PTPRD: variants seen among roughly 807,000 people sequenced by gnomAD.
PTPRD encodes the protein protein tyrosine phosphatase receptor type D.
PTPRD carries 34 observed loss-of-function variants against 214.5 expected under a neutral mutation model. The observed-to-expected ratio is 0.16, with a 90% CI of 0.12 to 0.21. PTPRD has a LOEUF of 0.21. Ranked by LOEUF, PTPRD falls within the 10% of genes least tolerant of loss-of-function variation. The probability of loss-of-function intolerance (pLI) is 1.00; values close to 1 mark genes in which losing one functional copy is unlikely to be tolerated. For missense variants in PTPRD, 2,545 were observed against 2,398.7 expected, an observed-to-expected ratio of 1.06 and a Z score of -1.27; for synonymous variants, 1,128 against 845.7, an observed-to-expected ratio of 1.33 and a Z score of -5.79.
intron 10 of PTPRD, among the ~76,000 whole-genome samples, chr9:9,035,444 G>C (rs1481645064): frequency 6.6e-6 from 1 of 151,946 alleles, no homozygotes; most frequent in Non-Finnish European, 1.5e-5. Flanking sequence ...AATATCAAAG[G>C]GGAAGGTGCC....
intron 26 of PTPRD, among the ~76,000 whole-genome samples, chr9:8,493,296 A>G (rs1490093085): frequency 6.6e-6 from 1 of 152,184 alleles, no homozygotes; most frequent in East Asian, 1.9e-4. Context: ...ATGTTTACCT[A>G]TCTGTGCCTC....
intron 35 of PTPRD, among the ~76,000 whole-genome samples, chr9:8,429,686 C>T (rs2094918427): frequency 6.6e-6 from 1 of 152,064 alleles, no homozygotes; most frequent in Non-Finnish European, 1.5e-5. Flanking sequence ...CAGGAAGAAA[C>T]TCAGCACATG....
At chr9:9,854,326 T>C (rs1191145282) in intron 5 of PTPRD, among the ~76,000 whole-genome samples, 1 of 152,160 alleles carries the variant, frequency 6.6e-6, no homozygotes, top group Non-Finnish European at 1.5e-5. Context: ...AACTAACTTG[T>C]ATTTGCCATA....
chr9:8,549,884 C>T (rs1380345333), intron 14 of PTPRD, among the ~76,000 whole-genome samples: 3 of 152,218 alleles, frequency 2.0e-5, no homozygotes, highest in Middle Eastern at 3.4e-3. Flanking sequence ...AAAAGGGTAC[C>T]ATTTCAAGCT....
chr9:10,402,128 TA>T (rs2098279448), intron 2 of PTPRD, among the ~76,000 whole-genome samples: 2 of 151,592 alleles, frequency 1.3e-5, no homozygotes, highest in Admixed American at 1.3e-4. Flanking sequence ...TGTTCCTATG[TA>T]ATTAAAGAGC....
chr9:10,293,572 G>C (rs1043483303), intron 3 of PTPRD, among the ~76,000 whole-genome samples: 1 of 151,874 alleles, frequency 6.6e-6, no homozygotes, highest in Non-Finnish European at 1.5e-5. Context: ...ATACTCCTTG[G>C]GAGTTTATAC....
At chr9:10,080,504 T>G (rs2098218877) in intron 3 of PTPRD, among the ~76,000 whole-genome samples, 1 of 152,072 alleles carries the variant, frequency 6.6e-6, no homozygotes, top group Non-Finnish European at 1.5e-5. Context: ...ATTGGGAATG[T>G]GAAGGGTGAC....
intron 2 of PTPRD, among the ~76,000 whole-genome samples, chr9:10,595,802 A>T (rs1317223372): frequency 6.6e-6 from 1 of 151,704 alleles, no homozygotes; most frequent in East Asian, 1.9e-4. Flanking sequence ...CTAATATTCC[A>T]TTATATATCA....
chr9:9,654,055 T>G (rs761972315), intron 7 of PTPRD, among the ~76,000 whole-genome samples: 2 of 152,128 alleles, frequency 1.3e-5, no homozygotes, highest in Non-Finnish European at 2.9e-5. Context: ...ACCACTGTCT[T>G]AGATCAAAGA....
intron 2 of PTPRD, among the ~76,000 whole-genome samples, chr9:10,438,955 T>C (rs2098740622): frequency 6.6e-6 from 1 of 151,760 alleles, no homozygotes; most frequent in Non-Finnish European, 1.5e-5. Flanking sequence ...GTCATATCTC[T>C]GTGTATCCAC....
chr9:9,557,010 G>C (rs1426909120), intron 8 of PTPRD, among the ~76,000 whole-genome samples: 1 of 152,182 alleles, frequency 6.6e-6, no homozygotes, highest in Non-Finnish European at 1.5e-5. Flanking sequence ...CTGAGACTCA[G>C]TGCTTTATCC....
chr9:8,634,121 G>A (rs186898252), intron 13 of PTPRD, among the ~76,000 whole-genome samples: 86 of 151,794 alleles, frequency 5.7e-4, no homozygotes, highest in African/African-American at 2.0e-3. Flanking sequence ...TGCTTCACCA[G>A]GCAGAAAATT....
intron 3 of PTPRD, among the ~76,000 whole-genome samples, chr9:10,316,964 TAAAAACAAAACA>T (rs748625304): frequency 6.6e-6 from 1 of 151,822 alleles, no homozygotes; most frequent in Non-Finnish European, 1.5e-5. Flanking sequence ...TAAAAAAAAT[TAAAAACAAAACA>T]AAAAACAAAA....
chr9:10,314,979 C>A (rs529678283), intron 3 of PTPRD, among the ~76,000 whole-genome samples: 1 of 152,050 alleles, frequency 6.6e-6, no homozygotes, highest in South Asian at 2.1e-4. Context: ...CCTAACTCTA[C>A]TTCCTTGCCA....
At chr9:8,810,361 C>G (rs2096776838) in intron 11 of PTPRD, among the ~76,000 whole-genome samples, 1 of 152,156 alleles carries the variant, frequency 6.6e-6, no homozygotes, top group South Asian at 2.1e-4. Context: ...TTACCTTCTT[C>G]AAAGGTTATC....
chr9:9,685,822 T>G (rs537081175), intron 7 of PTPRD, among the ~76,000 whole-genome samples: 1 of 151,576 alleles, frequency 6.6e-6, no homozygotes, highest in Admixed American at 6.6e-5. Flanking sequence ...TTTTAGTACT[T>G]AAAGCTCTAC....
chr9:10,300,363 G>C (rs1422418883), intron 3 of PTPRD, among the ~76,000 whole-genome samples: 3 of 152,120 alleles, frequency 2.0e-5, no homozygotes, highest in East Asian at 1.9e-4. Context: ...CTAGCTGCAG[G>C]AGTTTAGTTT....
intron 3 of PTPRD, among the ~76,000 whole-genome samples, chr9:10,326,970 A>G (rs919645464): frequency 3.3e-5 from 5 of 151,504 alleles, no homozygotes; most frequent in African/African-American, 4.8e-5. Context: ...GATAGGAAAC[A>G]TCTGCACATC....
At chr9:10,132,139 T>C (rs1198544757) in intron 3 of PTPRD, among the ~76,000 whole-genome samples, 1 of 152,132 alleles carries the variant, frequency 6.6e-6, no homozygotes, top group Non-Finnish European at 1.5e-5. Context: ...TGATTATTCT[T>C]AAGACATTGG....
Sources: gnomAD v4.1 joint callset for allele counts (sites outside exome capture counted in the v4.1 genomes callset) on GRCh38, gnomAD v4.1.1 for gene constraint, MANE v1.5 for transcripts, NCBI Gene and HGNC (gene_info 2026-07-23, HGNC 2026-07-21) for gene names.